IKBKE: variants seen among roughly 807,000 people sequenced by gnomAD.
The protein encoded by IKBKE is inhibitor of nuclear factor kappa-B kinase subunit epsilon.
In IKBKE, 45 loss-of-function variants were observed where a neutral mutation model predicts 92.1. That is an observed-to-expected ratio of 0.49 (90% CI 0.38 to 0.63). The LOEUF (loss-of-function observed/expected upper bound fraction) is 0.63, where lower values mean the gene tolerates loss of function less well. IKBKE is among the 20% of genes least tolerant of loss of function. The pLI is 0.00. For missense variants in IKBKE, 700 were observed against 932.8 expected, an observed-to-expected ratio of 0.75 and a Z score of 3.25; for synonymous variants, 374 against 380.3, an observed-to-expected ratio of 0.98 and a Z score of 0.19.
In IKBKE at chr1:206,482,847, A is replaced by G. The variant is rs76659110; in HGVS notation, c.1428-2150A>G. On this transcript the variant is annotated intron_variant, in intron 13 of 21. Coordinates refer to ENST00000581977, the MANE Select transcript of IKBKE (RefSeq NM_014002.4). ...GATTCTCCTAAGGGCTGAAGACACT[A>G]GCTCCACCCGCAGTGGAACCAGGTA... Among the ~76,000 whole-genome samples, 1,222 of 152,354 alleles carry G rather than the reference A, an allele frequency of 8.0e-3. 48 individuals carry two copies. In the East Asian group the frequency reaches 0.092, roughly 11 times the overall value.
At chr1:206,495,175 C>T (rs1315821563) in intron 21 of IKBKE, among the ~76,000 whole-genome samples, 3 of 152,096 alleles carry the variant, frequency 2.0e-5, no homozygotes, top group African/African-American at 7.2e-5. Context: ...TCGTGTCTGT[C>T]ATTTTCCTGT....
At position 206,478,464 on chromosome 1, in the gene IKBKE, A is replaced by G; in HGVS notation, c.992+125A>G. 1 of 981,810 alleles carries G rather than the reference A, an allele frequency of 1.0e-6. No individual in the cohort carries two copies. Among genetic ancestry groups the G allele is most frequent in the South Asian group, 1.5e-5 (1 of 67,446 alleles). 60.8% of individuals were successfully genotyped at this position (981,810 alleles called of 1,614,324 possible). Reference sequence around the variant, plus strand: ...GTACATAGGAACGCTTCCAGGTCCAAACGTAGTTGGGAAAAGACTAGTTCT... The same window carrying G: ...GTACATAGGAACGCTTCCAGGTCCAGACGTAGTTGGGAAAAGACTAGTTCT... On this transcript the variant is annotated intron_variant, in intron 9 of 21. Coordinates refer to ENST00000581977, the MANE Select transcript of IKBKE (RefSeq NM_014002.4). This position sits in a 1 kb window ranked among gnomAD's most constrained non-coding sequence, Gnocchi z 4.8.
chr1:206,480,297 C>A (rs1168692661), intron 12 of IKBKE, 150 bp from the exon 13 acceptor site: 1 of 119,494 alleles, frequency 8.4e-6, no homozygotes, highest in East Asian at 2.0e-4. Context: ...GAGGGGGAGG[C>A]GGGCTGTAGG....
At chr1:206,482,586 A>G (rs1665463683) in intron 13 of IKBKE, among the ~76,000 whole-genome samples, 1 of 152,156 alleles carries the variant, frequency 6.6e-6, no homozygotes, top group Admixed American at 6.5e-5. Flanking sequence ...TTTGAAGCCT[A>G]TTTCAGCCTC....
chr1:206,473,604 G>A (rs1664894585), intron 3 of IKBKE, among the ~76,000 whole-genome samples: 1 of 152,210 alleles, frequency 6.6e-6, no homozygotes, highest in African/African-American at 2.4e-5. Flanking sequence ...GCAGAGTGGG[G>A]AATTAGGCCT....
chr1:206,473,632 C>T (rs539809877), intron 3 of IKBKE, among the ~76,000 whole-genome samples: 6 of 152,252 alleles, frequency 3.9e-5, no homozygotes, highest in South Asian at 2.1e-4. Flanking sequence ...ATTTATCCTG[C>T]GAGAATGTAT....
chr1:206,488,282 G>T (rs1400397549), intron 16 of IKBKE, among the ~76,000 whole-genome samples: 1 of 152,230 alleles, frequency 6.6e-6, no homozygotes, highest in Non-Finnish European at 1.5e-5. Context: ...CCAGTGGGCC[G>T]GGACCTGGGT....
intron 13 of IKBKE, among the ~76,000 whole-genome samples, chr1:206,482,044 G>A (rs1665427069): frequency 6.6e-6 from 1 of 152,096 alleles, no homozygotes; most frequent in Non-Finnish European, 1.5e-5. Flanking sequence ...CTCCCAAAGT[G>A]CTGGGATTAC....
At chr1:206,471,795 A>C (rs2103444090) in intron 2 of IKBKE, among the ~76,000 whole-genome samples, 1 of 152,388 alleles carries the variant, frequency 6.6e-6, no homozygotes, top group Middle Eastern at 3.4e-3. Flanking sequence ...TGGCTCAATG[A>C]AATGACATTA....
chr1:206,493,895 C>A (rs782336397), intron 20 of IKBKE, 25 bp from the exon 21 acceptor site: 6 of 1,610,858 alleles, frequency 3.7e-6, no homozygotes, highest in Non-Finnish European at 5.1e-6. Flanking sequence ...GCCTCAGCCG[C>A]CTCTCCTGCC....
In IKBKE at chr1:206,493,398, C is replaced by T. The variant is rs782039828; in HGVS notation, c.2045+20C>T. 1.2e-5 allele frequency: 18 copies of T among 1,562,798 alleles called. No homozygotes were observed. In the South Asian group the frequency reaches 1.7e-4, roughly 14 times the overall value. ...TCTCCAGTAAGTGCTGGGGAGAAAG[C>T]GGTTGTGTATCTGTGTGGAAGGGGG... is the stretch of plus-strand genomic sequence containing the variant. On this transcript the variant is annotated intron_variant, in intron 20 of 21. Coordinates refer to ENST00000581977, the MANE Select transcript of IKBKE (RefSeq NM_014002.4).
chr1:206,492,266 T>G (rs1572267228), intron 18 of IKBKE: 1 of 367,488 alleles, frequency 2.7e-6, no homozygotes, highest in South Asian at 2.1e-5. Flanking sequence ...CCTTCAGGAG[T>G]TTTGGGTTCC....
Position 206,487,833 on chromosome 1 carries a change from A to T in IKBKE, c.1617-81A>T, listed in dbSNP as rs1665744768. On this transcript the variant is annotated intron_variant, in intron 15 of 21. Transcript: ENST00000581977. This position sits in a 1 kb window ranked among gnomAD's most constrained non-coding sequence, Gnocchi z 5.3. ...GGCTGTGAGGCTCCTCCCCTATTCCACTGCCACCCTTCCCCTCCCTCCCTC... is the reference window on the plus strand; with the variant it reads ...GGCTGTGAGGCTCCTCCCCTATTCCTCTGCCACCCTTCCCCTCCCTCCCTC... 8.8e-7 allele frequency: 1 copy of T among 1,136,058 alleles called. No individual in the cohort carries two copies. Among genetic ancestry groups the T allele is most frequent in the Non-Finnish European group, 1.3e-6 (1 of 771,372 alleles). The allele number at this position is 1,136,058 out of a possible 1,614,324, so 70.4% of individuals were successfully genotyped here.
At chr1:206,494,104 T>C in intron 21 of IKBKE, 113 bp downstream of exon 21, 1 of 836,536 alleles carries the variant, frequency 1.2e-6, no homozygotes, top group South Asian at 1.6e-5. Flanking sequence ...ACGTGTCCAT[T>C]TTCGAAGAAG....
At chr1:206,489,371 A>C (rs1195355690) in intron 16 of IKBKE, among the ~76,000 whole-genome samples, 621 of 32,196 alleles carry the variant, frequency 0.019, 6 homozygotes, top group African/African-American at 0.041. Context: ...GTGTGTGTGT[A>C]TATATATATA....
chr1:206,480,150 C>T (rs201174054), intron 12 of IKBKE, 37 bp downstream of exon 12: 59 of 1,351,076 alleles, frequency 4.4e-5, no homozygotes, highest in East Asian at 2.9e-4. Flanking sequence ...GAGGGGGAGG[C>T]GGGCAGGAGA....
At chr1:206,473,493 C>T (rs1488420519) in intron 3 of IKBKE, among the ~76,000 whole-genome samples, 179 bp downstream of exon 3, 1 of 152,222 alleles carries the variant, frequency 6.6e-6, no homozygotes, top group Non-Finnish European at 1.5e-5. Flanking sequence ...AAAACGGCTC[C>T]TTGAGAGGAT....
chr1:206,489,447 A>C (rs1335137744), intron 16 of IKBKE, among the ~76,000 whole-genome samples: 3 of 148,650 alleles, frequency 2.0e-5, no homozygotes, highest in African/African-American at 7.5e-5. Flanking sequence ...TCATGTCTGT[A>C]ATCTCAGCAC....
intron 18 of IKBKE, chr1:206,492,626 TTAGAGA>T (rs1429937293): frequency 8.4e-6 from 4 of 477,286 alleles, no homozygotes; most frequent in African/African-American, 7.9e-5. Context: ...TTCACTCCAC[TTAGAGA>T]TAGAAGAGAA....
Sources: gnomAD v4.1 joint callset for allele counts (sites outside exome capture counted in the v4.1 genomes callset) on GRCh38, gnomAD v4.1.1 for gene constraint, Gnocchi (gnomAD v3.1) non-coding constraint, MANE v1.5 for transcripts, NCBI Gene and HGNC (gene_info 2026-07-23, HGNC 2026-07-21) for gene names.